The following RAB7A variants were observed in gnomAD, a reference collection of about 807,000 sequenced individuals.
RAB7A encodes the protein ras-related protein Rab-7a.
A neutral mutation model predicts 24.5 loss-of-function variants in RAB7A; 2 were observed. That is an observed-to-expected ratio of 0.08 (90% confidence interval 0.03 to 0.26). RAB7A has a LOEUF of 0.26. Among genes scored for constraint, RAB7A ranks in the 10% least tolerant of loss-of-function variants. The pLI, the probability that RAB7A is intolerant of heterozygous loss-of-function variation, is 1.00. For synonymous variants in RAB7A, 100 were observed against 95.9 expected (o/e 1.04, Z -0.25); for missense variants, 118 against 255.7 (o/e 0.46, Z 3.67).
chr3:128,759,962 G>C (rs1175365072), intron 1 of RAB7A, among the ~76,000 whole-genome samples: 1 of 152,198 alleles, frequency 6.6e-6, no homozygotes, highest in South Asian at 2.1e-4. Flanking sequence ...TGCCTGCCTC[G>C]GCCTCCCAAA....
At chr3:128,788,128 G>A (rs764891940) in intron 1 of RAB7A, among the ~76,000 whole-genome samples, 3 of 152,170 alleles carry the variant, frequency 2.0e-5, no homozygotes, top group African/African-American at 4.8e-5. Context: ...CTACCTGCCC[G>A]TTAGTCACTT....
chr3:128,743,031 C>T (rs995213761), intron 1 of RAB7A, among the ~76,000 whole-genome samples: 9 of 152,276 alleles, frequency 5.9e-5, no homozygotes, highest in African/African-American at 1.9e-4. Flanking sequence ...CAGGAGGGCT[C>T]GGGCATGGCG....
intron 3 of RAB7A, among the ~76,000 whole-genome samples, chr3:128,803,248 A>G (rs1026954481): frequency 1.3e-5 from 2 of 152,232 alleles, no homozygotes; most frequent in Non-Finnish European, 2.9e-5. Flanking sequence ...CACCTTTGGC[A>G]TTTGAAAATA....
intron 1 of RAB7A, among the ~76,000 whole-genome samples, chr3:128,755,610 T>C (rs2070723174): frequency 6.6e-6 from 1 of 152,220 alleles, no homozygotes; most frequent in Non-Finnish European, 1.5e-5. Flanking sequence ...GATGAGAATC[T>C]CAAATTCATA....
chr3:128,809,396 G>A (rs59147538), intron 5 of RAB7A, among the ~76,000 whole-genome samples: 1,971 of 152,224 alleles, frequency 0.013, 47 homozygotes, highest in African/African-American at 0.044. Flanking sequence ...TGCCACCATC[G>A]TGACTACTGG....
intron 5 of RAB7A, among the ~76,000 whole-genome samples, chr3:128,812,207 C>T (rs371212094): frequency 6.6e-6 from 1 of 152,198 alleles, no homozygotes; most frequent in African/African-American, 2.4e-5. Flanking sequence ...CTTGACCTCC[C>T]GGGTTCAAGC....
At chr3:128,734,283 T>C (rs1464031818) in intron 1 of RAB7A, among the ~76,000 whole-genome samples, 2 of 151,612 alleles carry the variant, frequency 1.3e-5, no homozygotes, top group African/African-American at 4.8e-5. Flanking sequence ...TACAAAAAAT[T>C]AGCCAGGCGT....
At chr3:128,800,281 A>C (rs1933670676) in intron 3 of RAB7A, among the ~76,000 whole-genome samples, 1 of 152,244 alleles carries the variant, frequency 6.6e-6, no homozygotes, top group South Asian at 2.1e-4. Context: ...GCTGGGGTAA[A>C]GGCCCATCTG....
chr3:128,749,600 G>A lies in RAB7A; in HGVS notation c.-9+23241G>A, dbSNP rs1044454899. The A allele has an allele frequency of 1.2e-4, 18 of 152,312 alleles. No individual in the cohort carries two copies. The South Asian group carries it at 3.7e-3, about 32-fold the overall frequency. The allele number at this position is 152,312 out of a possible 1,614,324, so 9.4% of individuals were successfully genotyped here. On this transcript the variant is annotated intron_variant, in intron 1 of 5. Transcript: ENST00000265062. ...CTTGAATTCCTATTTGTTGTGGGAG[G>A]GACCCGGTGGGAGGTAATTGAATCA...
At chr3:128,730,983 G>T (rs1271926114) in intron 1 of RAB7A, among the ~76,000 whole-genome samples, 1 of 152,202 alleles carries the variant, frequency 6.6e-6, no homozygotes, top group Non-Finnish European at 1.5e-5. Flanking sequence ...CTCCAGCCTT[G>T]CTTGTCTCTT....
In RAB7A at chr3:128,785,288, C is replaced by T. The variant is rs532923616; in HGVS notation, c.-8-10072C>T. ...TAACTTCGGCATCAGTAGAGTGACC[C>T]CTCAGAAGCAGGTGACCACCAGGTT... On this transcript the variant is annotated intron_variant, in intron 1 of 5. Transcript: ENST00000265062. 2.6e-5 allele frequency: 4 copies of T among 152,118 alleles called. No homozygotes were observed. In the East Asian group the frequency reaches 7.7e-4, roughly 29 times the overall value. The allele number at this position is 152,118 out of a possible 1,614,324, so 9.4% of individuals were successfully genotyped here.
At chr3:128,732,233 T>C (rs1300389269) in intron 1 of RAB7A, among the ~76,000 whole-genome samples, 1 of 151,426 alleles carries the variant, frequency 6.6e-6, no homozygotes, top group Admixed American at 6.6e-5. Context: ...ATAGATGGGG[T>C]TTCACCATGT....
At chr3:128,729,299 G>A (rs1312524342) in intron 1 of RAB7A, among the ~76,000 whole-genome samples, 1 of 152,056 alleles carries the variant, frequency 6.6e-6, no homozygotes, top group East Asian at 1.9e-4. Flanking sequence ...AGCTGGGCAC[G>A]GTGGCTCACG....
At chr3:128,784,655 C>T (rs563196640) in intron 1 of RAB7A, among the ~76,000 whole-genome samples, 1 of 152,192 alleles carries the variant, frequency 6.6e-6, no homozygotes, top group Non-Finnish European at 1.5e-5. Flanking sequence ...CCAAGTAAGG[C>T]CTTGCATGTG....
chr3:128,748,174 G>A (rs2070638630), intron 1 of RAB7A, among the ~76,000 whole-genome samples: 1 of 152,246 alleles, frequency 6.6e-6, no homozygotes, highest in South Asian at 2.1e-4. Flanking sequence ...TGGTCGCTCA[G>A]CATGGAGGGA....
At chr3:128,739,369 TG>T (rs1001426022) in intron 1 of RAB7A, among the ~76,000 whole-genome samples, 10 of 151,950 alleles carry the variant, frequency 6.6e-5, no homozygotes, top group African/African-American at 2.4e-4. Flanking sequence ...AAAAAGTAGC[TG>T]GGTGTGGTGG....
At chr3:128,744,523 G>A (rs1291970027) in intron 1 of RAB7A, among the ~76,000 whole-genome samples, 2 of 152,198 alleles carry the variant, frequency 1.3e-5, no homozygotes, top group Non-Finnish European at 2.9e-5. Flanking sequence ...AAACATCACA[G>A]TGGAAAGGCC....
intron 1 of RAB7A, among the ~76,000 whole-genome samples, chr3:128,760,873 A>G (rs1192636435): frequency 6.6e-6 from 1 of 152,216 alleles, no homozygotes; most frequent in East Asian, 1.9e-4. Context: ...CAGTTAAGGT[A>G]TAGACCTATA....
chr3:128,779,779 G>A (rs1254037634), intron 1 of RAB7A, among the ~76,000 whole-genome samples: 1 of 152,158 alleles, frequency 6.6e-6, no homozygotes, highest in Non-Finnish European at 1.5e-5. Flanking sequence ...TAAAGACGAG[G>A]TCTTGCTGTG....
Sources: allele counts gnomAD v4.1 joint callset (sites outside exome capture counted in the v4.1 genomes callset), GRCh38; gene constraint gnomAD v4.1.1; transcripts MANE v1.5; gene names NCBI Gene and HGNC (gene_info 2026-07-23, HGNC 2026-07-21).